POLR3H: variants seen among roughly 807,000 people sequenced by gnomAD.
POLR3H encodes DNA-directed RNA polymerase III subunit RPC8.
POLR3H carries 17 observed loss-of-function variants against 25.5 expected under a neutral mutation model. That is an observed-to-expected ratio of 0.67 (90% CI 0.46 to 1.00). POLR3H has a LOEUF of 1.00. Ranked by LOEUF, POLR3H falls within the 50% of genes least tolerant of loss-of-function variation. POLR3H has a pLI of 0.00. For missense variants in POLR3H, 274 were observed against 265.0 expected (o/e 1.03, Z -0.24); for synonymous variants, 129 against 103.0 (o/e 1.25, Z -1.53).
intron 2 of POLR3H, among the ~76,000 whole-genome samples, chr22:41,535,395 G>A (rs914557545): frequency 6.6e-6 from 1 of 152,256 alleles, no homozygotes; most frequent in Non-Finnish European, 1.5e-5. Context: ...GAAGGACACA[G>A]AGCAACAGGC....
At chr22:41,543,488 C>T (rs1601971225) in intron 1 of POLR3H, among the ~76,000 whole-genome samples, 1 of 151,834 alleles carries the variant, frequency 6.6e-6, no homozygotes, top group Non-Finnish European at 1.5e-5. Flanking sequence ...GGTGGTGGCG[C>T]GCGCCTGTAG....
chr22:41,536,352 G>C (rs1323204833), intron 2 of POLR3H, among the ~76,000 whole-genome samples: 2 of 151,174 alleles, frequency 1.3e-5, no homozygotes, highest in African/African-American at 4.9e-5. Context: ...CCGAGATCAC[G>C]CCACTGCACT....
At position 41,526,029 on chromosome 22, in the gene POLR3H, A is replaced by C. The variant is rs1012838229; in HGVS notation, c.*3254T>G. The C allele has an allele frequency of 2.1e-5, 10 of 480,982 alleles. No individual in the cohort carries two copies. The highest frequency in any genetic ancestry group is 1.7e-4 in the African/African-American group (9 of 51,502). 29.8% of individuals were successfully genotyped at this position (480,982 alleles called of 1,614,324 possible). A position where few individuals can be genotyped will look rare whatever the true frequency, so the allele number is the denominator to read the frequency against. ...CAACTTTGGGCGGCCTCTGCCCCAT[A>C]AGGGAGACTGAGCAGCCAGAGGCCT... On this transcript the variant is annotated 3_prime_UTR_variant, in exon 6 of 6. Transcript: ENST00000355209.
intron 3 of POLR3H, 105 bp from the exon 4 acceptor site, chr22:41,532,262 C>T (rs1279825798): frequency 1.6e-5 from 18 of 1,138,552 alleles, no homozygotes; most frequent in African/African-American, 4.6e-5. Flanking sequence ...GGGCTGCCCA[C>T]GAGGCGGATG....
At chr22:41,541,845 C>A (rs1024712727) in intron 1 of POLR3H, among the ~76,000 whole-genome samples, 1 of 152,168 alleles carries the variant, frequency 6.6e-6, no homozygotes, top group African/African-American at 2.4e-5. Context: ...ATCTAGCAAC[C>A]CCCAAATCAA....
Position 41,527,206 on chromosome 22 carries a change from G to A in POLR3H, c.*2077C>T. 1 of 1,601,008 alleles carries A rather than the reference G, an allele frequency of 6.2e-7. No individual in the cohort carries two copies. Among genetic ancestry groups the A allele is most frequent in the Non-Finnish European group, 8.5e-7 (1 of 1,170,798 alleles). ...CCTCAGGATGCCCAGGCGCCAGGTG[G>A]GTGAGGCCAGGCAGGTAGGGCCAGA... On this transcript the variant is annotated 3_prime_UTR_variant, in exon 6 of 6. Transcript: ENST00000355209.
chr22:41,531,855 C>T (rs971041360), intron 4 of POLR3H, among the ~76,000 whole-genome samples: 3 of 152,230 alleles, frequency 2.0e-5, no homozygotes, highest in African/African-American at 4.8e-5. Flanking sequence ...GTGCAGTGTA[C>T]AACCCAGACA....
Position 41,526,763 on chromosome 22 carries a change from G to C in POLR3H, c.*2520C>G, listed in dbSNP as rs895506576. On this transcript the variant is annotated 3_prime_UTR_variant, in exon 6 of 6. Coordinates refer to ENST00000355209, the MANE Select transcript of POLR3H (RefSeq NM_001018050.4). ...AAGTCAGAGGCCAAAAGCTCAGAGA[G>C]GGGGCTACACGGGGCCTCACAGTGA... The C allele has an allele frequency of 5.5e-6, 2 of 366,240 alleles. No homozygotes were observed. Among genetic ancestry groups the C allele is most frequent in the Admixed American group, 4.2e-5 (1 of 23,736 alleles). The allele number at this position is 366,240 out of a possible 1,614,324, so 22.7% of individuals were successfully genotyped here. A position where few individuals can be genotyped will look rare whatever the true frequency, so the allele number is the denominator to read the frequency against.
intron 4 of POLR3H, among the ~76,000 whole-genome samples, chr22:41,531,260 C>T (rs888463917): frequency 4.6e-5 from 7 of 152,242 alleles, no homozygotes; most frequent in African/African-American, 1.2e-4. Flanking sequence ...AGCCTTGTGA[C>T]AGGCTGATGG....
Position 41,527,689 on chromosome 22 carries a change from C to T in POLR3H, c.*1594G>A. On this transcript the variant is annotated 3_prime_UTR_variant, in exon 6 of 6. Coordinates refer to ENST00000355209, the MANE Select transcript of POLR3H (RefSeq NM_001018050.4). ...GGGGTTCTTTCTGATCATGAATGTG[C>T]AGCAGGAAGGCCTCGCAGACCTCAG... 2 of 814,452 alleles carry T rather than the reference C, an allele frequency of 2.5e-6. No homozygotes were observed. The highest frequency in any genetic ancestry group is 3.6e-5 in the South Asian group (2 of 55,558). The allele number at this position is 814,452 out of a possible 1,614,324, so 50.5% of individuals were successfully genotyped here.
At position 41,526,490 on chromosome 22, in the gene POLR3H, C is replaced by T; in HGVS notation, c.*2793G>A. On this transcript the variant is annotated 3_prime_UTR_variant, in exon 6 of 6. Coordinates refer to ENST00000355209, the MANE Select transcript of POLR3H (RefSeq NM_001018050.4). Reference sequence around the variant, plus strand: ...TTGATAGGGGCAATGCCAGTGGTCACTCCTGAAGGGGCCTGCAAGGCAGGT... The same window carrying T: ...TTGATAGGGGCAATGCCAGTGGTCATTCCTGAAGGGGCCTGCAAGGCAGGT... 6.3e-7 allele frequency: 1 copy of T among 1,584,174 alleles called. No individual in the cohort carries two copies. The highest frequency in any genetic ancestry group is 8.6e-7 in the Non-Finnish European group (1 of 1,160,940).
Position 41,526,880 on chromosome 22 carries a change from G to C in POLR3H, c.*2403C>G, listed in dbSNP as rs2066609937. The C allele has an allele frequency of 3.1e-6, 1 of 319,352 alleles. No homozygotes were observed. The highest frequency in any genetic ancestry group is 4.0e-5 in the South Asian group (1 of 24,854). 19.8% of individuals were successfully genotyped at this position (319,352 alleles called of 1,614,324 possible). A position where few individuals can be genotyped will look rare whatever the true frequency, so the allele number is the denominator to read the frequency against. On this transcript the variant is annotated 3_prime_UTR_variant, in exon 6 of 6. Coordinates refer to ENST00000355209, the MANE Select transcript of POLR3H (RefSeq NM_001018050.4). ...AACCCAAGTCCTGGCCCAGCCGGGT[G>C]AAAGGACTCTGGCACCCCCTGGTGG... is the stretch of plus-strand genomic sequence containing the variant.
In POLR3H at chr22:41,527,959, C is replaced by T. The variant is rs762302484; in HGVS notation, c.*1324G>A. The T allele has an allele frequency of 1.2e-6, 2 of 1,614,086 alleles. No homozygotes were observed. Among genetic ancestry groups the T allele is most frequent in the East Asian group, 2.2e-5 (1 of 44,890 alleles). ...TGACCTTCGCTGACCCGGCTGACTA[C>T]AACAAGATTCACCCTGTGGACAAGC... On this transcript the variant is annotated 3_prime_UTR_variant, in exon 6 of 6. Transcript: ENST00000355209.
rs1555894499 is a variant in POLR3H, at chr22:41,544,436, A to ACCG, written c.-336_-335insCGG. The ACCG allele has an allele frequency of 1.4e-3, 256 of 187,194 alleles. 3 individuals are homozygous for ACCG. Among genetic ancestry groups the ACCG allele is most frequent in the Middle Eastern group, 5.9e-3 (3 of 508 alleles). The allele number at this position is 187,194 out of a possible 1,614,324, so 11.6% of individuals were successfully genotyped here. On this transcript the variant is annotated 5_prime_UTR_variant, in exon 1 of 6. Coordinates refer to ENST00000355209, the MANE Select transcript of POLR3H (RefSeq NM_001018050.4). The stretch of plus-strand genomic sequence containing the variant: ...CCGCTCGTATCACGCACCACGCACC[A>ACCG]CGCACCGCGCACAGCCGCTCGCGCT...
At chr22:41,531,837 C>A (rs2066742704) in intron 4 of POLR3H, among the ~76,000 whole-genome samples, 1 of 152,228 alleles carries the variant, frequency 6.6e-6, no homozygotes, top group Non-Finnish European at 1.5e-5. Flanking sequence ...CACCACAGCT[C>A]TAATGGTGTG....
Position 41,525,947 on chromosome 22 carries a change from G to A in POLR3H, c.*3336C>T. 1 of 299,126 alleles carries A rather than the reference G, an allele frequency of 3.3e-6. No homozygotes were observed. The highest frequency in any genetic ancestry group is 6.4e-5 in the East Asian group (1 of 15,728). 18.5% of individuals were successfully genotyped at this position (299,126 alleles called of 1,614,324 possible). ...TCCTGGGCTCCTGTGTCCAGCATGAGGTCTGTGGCTGATCTTGCAGCTGAG... is the reference window on the plus strand; with the variant it reads ...TCCTGGGCTCCTGTGTCCAGCATGAAGTCTGTGGCTGATCTTGCAGCTGAG... On this transcript the variant is annotated 3_prime_UTR_variant, in exon 6 of 6. Coordinates refer to ENST00000355209, the MANE Select transcript of POLR3H (RefSeq NM_001018050.4).
chr22:41,541,343 GAC>G (rs1008067470), intron 1 of POLR3H, among the ~76,000 whole-genome samples: 23 of 152,272 alleles, frequency 1.5e-4, no homozygotes, highest in Admixed American at 1.2e-3. Context: ...CAACATCTCA[GAC>G]ACACAGACGC....
Position 41,527,591 on chromosome 22 carries a change from G to A in POLR3H, c.*1692C>T. 1.1e-6 allele frequency: 1 copy of A among 946,368 alleles called. No homozygotes were observed. Among genetic ancestry groups the A allele is most frequent in the Non-Finnish European group, 1.5e-6 (1 of 651,234 alleles). The allele number at this position is 946,368 out of a possible 1,614,324, so 58.6% of individuals were successfully genotyped here. ...TCACACAGTGCACATCCGACGCTCA[G>A]CTTCCCGGCTTCCCGCAGGCCCTGC... On this transcript the variant is annotated 3_prime_UTR_variant, in exon 6 of 6. Coordinates refer to ENST00000355209, the MANE Select transcript of POLR3H (RefSeq NM_001018050.4).
In POLR3H at chr22:41,544,390, C is replaced by A. The variant is rs867701315; in HGVS notation, c.-289G>T. 1.8e-5 allele frequency: 5 copies of A among 279,168 alleles called. No homozygotes were observed. Among genetic ancestry groups the A allele is most frequent in the Admixed American group, 1.1e-4 (2 of 17,556 alleles). The allele number at this position is 279,168 out of a possible 1,614,324, so 17.3% of individuals were successfully genotyped here. A position where few individuals can be genotyped will look rare whatever the true frequency, so the allele number is the denominator to read the frequency against. On this transcript the variant is annotated 5_prime_UTR_variant, in exon 1 of 6. Transcript: ENST00000355209. Reference sequence around the variant, plus strand: ...ACTCCACGCCACGCCACTCCACGCCCCGCACCCGCGCCACGTGCCGCCGCT... The same window carrying A: ...ACTCCACGCCACGCCACTCCACGCCACGCACCCGCGCCACGTGCCGCCGCT...
Sources: gnomAD v4.1 joint callset for allele counts (sites outside exome capture counted in the v4.1 genomes callset) on GRCh38, gnomAD v4.1.1 for gene constraint, MANE v1.5 for transcripts, NCBI Gene and HGNC (gene_info 2026-07-23, HGNC 2026-07-21) for gene names.